Variants in CACNA2D2 observed in about 807,000 individuals in gnomAD.
The protein encoded by CACNA2D2 is calcium voltage-gated channel auxiliary subunit alpha2delta 2.
In CACNA2D2, 48 loss-of-function variants were observed where a neutral mutation model predicts 166.4. That is an observed-to-expected ratio of 0.29 (90% confidence interval 0.23 to 0.37). CACNA2D2 has a LOEUF of 0.37. CACNA2D2 is among the 10% of genes least tolerant of loss of function. CACNA2D2 has a pLI of 1.00. For synonymous variants in CACNA2D2, 561 were observed against 573.7 expected, an observed-to-expected ratio of 0.98 and a Z score of 0.32; for missense variants, 1,122 against 1,433.0, an observed-to-expected ratio of 0.78 and a Z score of 3.50.
intron 3 of CACNA2D2, among the ~76,000 whole-genome samples, chr3:50,397,049 C>T (rs987249677): frequency 1.3e-5 from 2 of 152,186 alleles, no homozygotes; most frequent in Admixed American, 1.3e-4. Flanking sequence ...TCAGCTCTGA[C>T]CCTGAAACCT....
rs9850032 is a variant in CACNA2D2 at position 50,434,923 on chromosome 3, T to C, written c.289-494A>G. 3.4e-3 allele frequency among the ~76,000 whole-genome samples: 524 copies of C among 152,362 alleles called. 2 individuals are homozygous for C. Among genetic ancestry groups the C allele is most frequent in the African/African-American group, 0.012 (502 of 41,590 alleles). ...CATGCCTCCACGCTGCTCAGGCATC[T>C]GGACCCTTTTTTGTGGGTGCTGCCC... is the stretch of plus-strand genomic sequence containing the variant. On this transcript the variant is annotated intron_variant, in intron 2 of 37. Transcript: ENST00000424201.
At chr3:50,471,969 C>G (rs1246938406) in intron 2 of CACNA2D2, among the ~76,000 whole-genome samples, 1 of 152,220 alleles carries the variant, frequency 6.6e-6, no homozygotes, top group Non-Finnish European at 1.5e-5. Context: ...CACCGTTGAT[C>G]TGAATCACCA....
chr3:50,380,527 G>T lies in CACNA2D2; in HGVS notation c.842+221C>A, dbSNP rs1449697093. The stretch of plus-strand genomic sequence containing the variant: ...ATCTCCCTTCCAATCTCTCAGTCCT[G>T]AGTGGGTGGGGGTGCTGGGCAGTGG... On this transcript the variant is annotated intron_variant, in intron 8 of 37. Transcript: ENST00000424201. This position sits in a 1 kb window ranked among gnomAD's most constrained non-coding sequence, Gnocchi z 4.9. Among the ~76,000 whole-genome samples the T allele has an allele frequency of 6.6e-6, 1 of 152,222 alleles. No homozygotes were observed. The highest frequency in any genetic ancestry group is 1.5e-5 in the Non-Finnish European group (1 of 68,032).
At chr3:50,439,546 G>C (rs1207637391) in intron 2 of CACNA2D2, among the ~76,000 whole-genome samples, 1 of 152,210 alleles carries the variant, frequency 6.6e-6, no homozygotes, top group Non-Finnish European at 1.5e-5. Flanking sequence ...GGAGACTGGC[G>C]CTCCAATCCC....
intron 2 of CACNA2D2, among the ~76,000 whole-genome samples, chr3:50,439,832 A>G (rs142319586): frequency 1.1e-3 from 160 of 152,308 alleles, no homozygotes; most frequent in East Asian, 2.5e-3. Flanking sequence ...AGCTGGGCCA[A>G]TGAGGTAGGG....
intron 22 of CACNA2D2, among the ~76,000 whole-genome samples, chr3:50,372,402 G>A (rs755529828): frequency 5.4e-4 from 83 of 152,352 alleles, no homozygotes; most frequent in Non-Finnish European, 1.1e-3. Context: ...TGGAAGCAGC[G>A]GGCCGGCAGG....
chr3:50,444,147 C>T (rs1297455139), intron 2 of CACNA2D2, among the ~76,000 whole-genome samples: 4 of 152,178 alleles, frequency 2.6e-5, no homozygotes, highest in Admixed American at 6.5e-5. Flanking sequence ...TGGGCAGGTC[C>T]CCCAAGGACT....
intron 3 of CACNA2D2, among the ~76,000 whole-genome samples, chr3:50,401,922 A>G (rs1559913625): frequency 1.3e-5 from 2 of 152,140 alleles, no homozygotes; most frequent in Non-Finnish European, 2.9e-5. Flanking sequence ...CATGTTGCCC[A>G]GGCTGGTCTT....
intron 3 of CACNA2D2, 145 bp downstream of exon 3, chr3:50,434,168 C>T (rs1030777822): frequency 4.5e-6 from 3 of 668,912 alleles, no homozygotes; most frequent in African/African-American, 3.6e-5. Context: ...CCACATTCCA[C>T]GTGGGCACAG....
At chr3:50,387,655 C>T in intron 4 of CACNA2D2, 43 bp from the exon 5 acceptor site, 1 of 1,517,014 alleles carries the variant, frequency 6.6e-7, no homozygotes, top group Non-Finnish European at 9.1e-7. Flanking sequence ...GCTCAGGGTC[C>T]CGAGACAGAC....
chr3:50,379,935 C>A lies in CACNA2D2; in HGVS notation c.893+33G>T, dbSNP rs1705215696. On this transcript the variant is annotated intron_variant, in intron 9 of 37. Coordinates refer to ENST00000424201, the MANE Select transcript of CACNA2D2 (RefSeq NM_006030.4). This position sits in a 1 kb window ranked among gnomAD's most constrained non-coding sequence, Gnocchi z 6.5. ...GAGTCTAGCCCATTGCCCGTCCCTGCCCCAGCCCCACTTGCCAGCACTGCT... is the reference window on the plus strand; with the variant it reads ...GAGTCTAGCCCATTGCCCGTCCCTGACCCAGCCCCACTTGCCAGCACTGCT... The A allele has an allele frequency of 6.2e-7, 1 of 1,613,824 alleles. No individual in the cohort carries two copies. The highest frequency in any genetic ancestry group is 8.5e-7 in the Non-Finnish European group (1 of 1,179,846).
Position 50,379,749 on chromosome 3 carries a change from A to C in CACNA2D2, c.969T>G (p.Asp323Glu), listed in dbSNP as rs1244916521. The C allele has an allele frequency of 6.2e-7, 1 of 1,613,894 alleles. No homozygotes were observed. The highest frequency in any genetic ancestry group is 2.2e-5 in the East Asian group (1 of 44,878). ...CCGAGGCCACATTCACATAGTCATC[A>C]TCAGACAGCGTGTCCAGCATCTCGC... ...SVCEMLDTLS[D>E]DDYVNVASFN... The change falls in exon 10 of 38, where the codon GAT becomes GAG. Residue 323 changes from aspartate to glutamate, a missense_variant. By Grantham distance (45) the Asp-to-Glu change is conservative. This residue lies in a region of CACNA2D2 where 840 missense variants were observed against 1,166.8 expected (regional missense o/e 0.72). Coordinates refer to ENST00000424201, the MANE Select transcript of CACNA2D2 (RefSeq NM_006030.4). This position sits in a 1 kb window ranked among gnomAD's most constrained non-coding sequence, Gnocchi z 6.5.
At chr3:50,418,760 A>G (rs746137855) in intron 3 of CACNA2D2, among the ~76,000 whole-genome samples, 21 of 152,162 alleles carry the variant, frequency 1.4e-4, no homozygotes, top group Non-Finnish European at 2.2e-4. Context: ...AGGTGGAGGG[A>G]TGGAGGAATG....
intron 2 of CACNA2D2, among the ~76,000 whole-genome samples, chr3:50,453,416 C>A (rs1709199083): frequency 6.6e-6 from 1 of 152,200 alleles, no homozygotes; most frequent in South Asian, 2.1e-4. Flanking sequence ...CCATGTGCAC[C>A]CACCAGTGCC....
chr3:50,430,944 C>G (rs1429933657), intron 3 of CACNA2D2, among the ~76,000 whole-genome samples: 1 of 152,150 alleles, frequency 6.6e-6, no homozygotes, highest in East Asian at 1.9e-4. Flanking sequence ...TGGCCTGCTC[C>G]CTCCTGACTC....
At position 50,380,799 on chromosome 3, in the gene CACNA2D2, G is replaced by T. The variant is rs772808657; in HGVS notation, c.791C>A (p.Pro264Gln). 1 of 1,544,372 alleles carries T rather than the reference G, an allele frequency of 6.5e-7. No homozygotes were observed. Residue 264 changes from proline to glutamine, a missense_variant, in exon 8 of 38, where the codon CCG (proline) becomes CAG (glutamine). By Grantham distance (76) the Pro-to-Gln change is moderately conservative. This residue lies in a region of CACNA2D2 where 840 missense variants were observed against 1,166.8 expected (regional missense o/e 0.72). Transcript: ENST00000424201. This position sits in a 1 kb window ranked among gnomAD's most constrained non-coding sequence, Gnocchi z 4.9. Reference protein sequence around the residue: ...TGVTRYYPATPWRAPKKIDLY... With the variant: ...TGVTRYYPATQWRAPKKIDLY... ...GTCGATCTTCTTGGGGGCTCGCCAC[G>T]GGGTGGCTGAGGGAGGAGAGAAGGT...
intron 16 of CACNA2D2, 22 bp from the exon 17 acceptor site, chr3:50,377,563 G>C: frequency 6.2e-7 from 1 of 1,609,474 alleles, no homozygotes; most frequent in Non-Finnish European, 8.5e-7. Context: ...AGCATGGGGG[G>C]CTCCTCAGTG....
At chr3:50,421,932 GAGGA>G (rs2106842020) in intron 3 of CACNA2D2, among the ~76,000 whole-genome samples, 1 of 152,178 alleles carries the variant, frequency 6.6e-6, no homozygotes, top group East Asian at 1.9e-4. Flanking sequence ...GCAGACATCT[GAGGA>G]AGGAATACGA....
chr3:50,415,143 C>T (rs1443646485), intron 3 of CACNA2D2, among the ~76,000 whole-genome samples: 3 of 152,318 alleles, frequency 2.0e-5, no homozygotes, highest in South Asian at 2.1e-4. Context: ...GGGACACTGA[C>T]GGCCAATGAA....
Sources: allele counts gnomAD v4.1 joint callset (sites outside exome capture counted in the v4.1 genomes callset), GRCh38; gene constraint gnomAD v4.1.1; regional missense constraint gnomAD v4.1.1; non-coding constraint Gnocchi (gnomAD v3.1); transcripts MANE v1.5; gene names NCBI Gene and HGNC (gene_info 2026-07-23, HGNC 2026-07-21).